The following RAP1A variants were observed in gnomAD, a reference collection of about 807,000 sequenced individuals.
RAP1A encodes the protein ras-related protein Rap-1A.
A neutral mutation model predicts 26.4 loss-of-function variants in RAP1A; 6 were observed. The observed-to-expected ratio is 0.23, with a 90% CI of 0.12 to 0.45. The LOEUF (loss-of-function observed/expected upper bound fraction) is 0.45, where lower values mean the gene tolerates loss of function less well. Ranked by LOEUF, RAP1A falls within the 20% of genes least tolerant of loss-of-function variation. The pLI, the probability that RAP1A is intolerant of heterozygous loss-of-function variation, is 0.99. For synonymous variants in RAP1A, 73 were observed against 79.4 expected, an observed-to-expected ratio of 0.92 and a Z score of 0.43; for missense variants, 121 against 217.2, an observed-to-expected ratio of 0.56 and a Z score of 2.78.
At chr1:111,553,738 A>G (rs1341149591) in intron 1 of RAP1A, among the ~76,000 whole-genome samples, 1 of 152,172 alleles carries the variant, frequency 6.6e-6, no homozygotes, top group Non-Finnish European at 1.5e-5. Flanking sequence ...CATTAGGCTC[A>G]AATTCCACTC....
chr1:111,596,368 C>G (rs1658563760), intron 1 of RAP1A, among the ~76,000 whole-genome samples: 1 of 152,136 alleles, frequency 6.6e-6, no homozygotes, highest in African/African-American at 2.4e-5. Flanking sequence ...TTTTCCTAGG[C>G]CAATCCTTGG....
chr1:111,683,895 C>G (rs895119454), intron 1 of RAP1A, among the ~76,000 whole-genome samples: 1 of 152,128 alleles, frequency 6.6e-6, no homozygotes, highest in African/African-American at 2.4e-5. Context: ...TGATGACCAT[C>G]GATGCAAAAA....
chr1:111,706,571 C>T (rs1199755444), intron 6 of RAP1A: 1 of 314,744 alleles, frequency 3.2e-6, no homozygotes, highest in African/African-American at 2.3e-5. Context: ...ATTAATTGTT[C>T]TTTGCTGAGG....
At chr1:111,646,039 A>G (rs1046879077) in intron 1 of RAP1A, among the ~76,000 whole-genome samples, 1 of 152,234 alleles carries the variant, frequency 6.6e-6, no homozygotes, top group Non-Finnish European at 1.5e-5. Flanking sequence ...ATTAATTTAG[A>G]TATTTACCAG....
rs1571574528 is a variant in RAP1A, at chr1:111,703,468, A to G, written c.316A>G (p.Thr106Ala). Residue 106 changes from threonine (T) to alanine (A), a missense_variant, in exon 5 of 8, where the codon ACG (threonine) becomes GCG (alanine). Transcript: ENST00000369709. ...GGAACAGATTTTACGGGTTAAGGAC[A>G]CGGAAGATGTAAGTATTTTTTCTCT... ...LREQILRVKD[T>A]EDVPMILVGN... is the part of the protein sequence containing the mutation. The G allele has an allele frequency of 6.3e-7, 1 of 1,587,028 alleles. No homozygotes were observed. Among genetic ancestry groups the G allele is most frequent in the Non-Finnish European group, 8.6e-7 (1 of 1,169,476 alleles).
intron 1 of RAP1A, among the ~76,000 whole-genome samples, chr1:111,575,643 G>A (rs1270010491): frequency 6.6e-6 from 1 of 152,120 alleles, no homozygotes; most frequent in African/African-American, 2.4e-5. Flanking sequence ...GAGACACCAG[G>A]CACACGTGCA....
At chr1:111,574,557 T>A (rs918056184) in intron 1 of RAP1A, among the ~76,000 whole-genome samples, 3 of 152,252 alleles carry the variant, frequency 2.0e-5, no homozygotes, top group Non-Finnish European at 4.4e-5. Context: ...AGTTTGGCCA[T>A]TTTAATGATA....
At chr1:111,662,133 C>T (rs889795583) in intron 1 of RAP1A, among the ~76,000 whole-genome samples, 37 of 151,834 alleles carry the variant, frequency 2.4e-4, no homozygotes, top group Admixed American at 1.6e-3. Context: ...TGGTGGCTCA[C>T]GCCTGTAATC....
chr1:111,607,208 G>C (rs1327798661), intron 1 of RAP1A, among the ~76,000 whole-genome samples: 1 of 151,560 alleles, frequency 6.6e-6, no homozygotes, highest in African/African-American at 2.4e-5. Context: ...TTGAGATTAG[G>C]GAGTGGTGAT....
At chr1:111,588,914 G>T (rs188726533) in intron 1 of RAP1A, among the ~76,000 whole-genome samples, 114 of 152,258 alleles carry the variant, frequency 7.5e-4, no homozygotes, top group Non-Finnish European at 1.3e-3. Context: ...GAGCTTTTGG[G>T]TCTAAAAACA....
intron 1 of RAP1A, among the ~76,000 whole-genome samples, chr1:111,605,369 A>G (rs992552996): frequency 2.0e-5 from 3 of 152,248 alleles, no homozygotes; most frequent in African/African-American, 7.2e-5. Context: ...CTCAAAAAAT[A>G]TTCACTGAGG....
intron 1 of RAP1A, among the ~76,000 whole-genome samples, chr1:111,660,312 C>G (rs1325813820): frequency 6.6e-6 from 1 of 152,162 alleles, no homozygotes; most frequent in African/African-American, 2.4e-5. Flanking sequence ...ATGTTTTCCC[C>G]CCCTCTGGCT....
At chr1:111,644,618 A>G (rs1310167242) in intron 1 of RAP1A, among the ~76,000 whole-genome samples, 1 of 152,226 alleles carries the variant, frequency 6.6e-6, no homozygotes, top group African/African-American at 2.4e-5. Context: ...AAGGAGGAAT[A>G]CTAGACATGC....
chr1:111,587,045 C>T (rs559004508), intron 1 of RAP1A, among the ~76,000 whole-genome samples: 3 of 152,226 alleles, frequency 2.0e-5, no homozygotes, highest in East Asian at 3.9e-4. Flanking sequence ...ACACCAGTGG[C>T]CTTGCCTTCT....
intron 1 of RAP1A, among the ~76,000 whole-genome samples, chr1:111,689,206 A>G (rs183720271): frequency 1.2e-3 from 175 of 152,126 alleles, no homozygotes; most frequent in Middle Eastern, 0.01. Context: ...CATTCCAGTT[A>G]CATATATATT....
chr1:111,600,806 T>TATC (rs1310671421), intron 1 of RAP1A, among the ~76,000 whole-genome samples: 3 of 152,244 alleles, frequency 2.0e-5, no homozygotes, highest in Admixed American at 1.3e-4. Flanking sequence ...TAAATAATTG[T>TATC]ATCAGACTAG....
chr1:111,559,537 G>T (rs533464114), intron 1 of RAP1A, among the ~76,000 whole-genome samples: 1 of 151,996 alleles, frequency 6.6e-6, no homozygotes, highest in East Asian at 1.9e-4. Context: ...TTCTCACTTT[G>T]CCTCCTTTTT....
chr1:111,619,638 G>C (rs1466163046), upstream of RAP1A: 2 of 389,378 alleles, frequency 5.1e-6, no homozygotes, highest in African/African-American at 2.1e-5. Context: ...AGGCTTTCCC[G>C]GCTCCAGTGT....
intron 1 of RAP1A, chr1:111,686,519 AAAAAAGAAAAAG>A: frequency 6.6e-6 from 1 of 151,930 alleles, no homozygotes; most frequent in East Asian, 1.9e-4. Flanking sequence ...AAAAGAGAAA[AAAAAAGAAAAAG>A]AAAAAGAAAA....
Sources: allele counts gnomAD v4.1 joint callset (sites outside exome capture counted in the v4.1 genomes callset), GRCh38; gene constraint gnomAD v4.1.1; transcripts MANE v1.5; gene names NCBI Gene and HGNC (gene_info 2026-07-23, HGNC 2026-07-21).